MICU2: variants seen among roughly 807,000 people sequenced by gnomAD.
The protein encoded by MICU2 is mitochondrial calcium uptake 2.
Under a neutral mutation model 60.4 loss-of-function variants are expected in MICU2, and 64 were observed. That is an observed-to-expected ratio of 1.06 (90% CI 0.87 to 1.31). The LOEUF (loss-of-function observed/expected upper bound fraction) is 1.31. Ranked by LOEUF, MICU2 falls within the 50% of genes most tolerant of loss-of-function variation. The pLI is 0.00. For synonymous variants in MICU2, 201 were observed against 175.0 expected (o/e 1.15, Z -1.17); for missense variants, 569 against 531.0 (o/e 1.07, Z -0.70).
In MICU2 at chr13:21,493,152, T is replaced by C; in HGVS notation, c.*97A>G. ...AGACATGCTTATTTCACACAGAATA[T>C]CAATGAAGACTTAAGAAGATAAATA... is the stretch of plus-strand genomic sequence containing the variant. On this transcript the variant is annotated 3_prime_UTR_variant, in exon 12 of 12. Transcript: ENST00000382374. The C allele has an allele frequency of 1.5e-6, 1 of 662,576 alleles. No individual in the cohort carries two copies. The highest frequency in any genetic ancestry group is 4.3e-4 in the Middle Eastern group (1 of 2,314). 41.0% of individuals were successfully genotyped at this position (662,576 alleles called of 1,614,324 possible). A position where few individuals can be genotyped will look rare whatever the true frequency, so the allele number is the denominator to read the frequency against.
intron 1 of MICU2, among the ~76,000 whole-genome samples, chr13:21,590,606 G>T (rs1051608427): frequency 6.6e-6 from 1 of 152,240 alleles, no homozygotes; most frequent in East Asian, 1.9e-4. Context: ...GTCGGGCGTG[G>T]TGGCTCACGC....
intron 2 of MICU2, among the ~76,000 whole-genome samples, chr13:21,565,660 A>C (rs1228419428): frequency 2.0e-5 from 3 of 151,364 alleles, no homozygotes; most frequent in Non-Finnish European, 4.4e-5. Context: ...TCCGTCTCAA[A>C]AAACAAACAA....
intron 2 of MICU2, among the ~76,000 whole-genome samples, chr13:21,564,367 G>A (rs1286133802): frequency 6.6e-6 from 1 of 152,092 alleles, no homozygotes; most frequent in Admixed American, 6.6e-5. Context: ...TTCCTCTGGT[G>A]CCTTTTTTTC....
intron 4 of MICU2, among the ~76,000 whole-genome samples, chr13:21,533,924 AAG>A (rs1046712539): frequency 3.3e-5 from 5 of 152,162 alleles, no homozygotes; most frequent in Admixed American, 3.3e-4. Flanking sequence ...TATTTTGATA[AAG>A]AGGAGATAAA....
At chr13:21,589,894 A>C (rs567314143) in intron 1 of MICU2, among the ~76,000 whole-genome samples, 1 of 151,632 alleles carries the variant, frequency 6.6e-6, no homozygotes, top group Admixed American at 6.6e-5. Flanking sequence ...AGGGATAAGA[A>C]CCTCTTTCCC....
chr13:21,552,332 C>T (rs1259286115), intron 2 of MICU2, among the ~76,000 whole-genome samples: 1 of 151,834 alleles, frequency 6.6e-6, no homozygotes, highest in Admixed American at 6.6e-5. Context: ...GGATATTAGC[C>T]CTTTGTCAGA....
At chr13:21,565,701 T>C (rs930567908) in intron 2 of MICU2, among the ~76,000 whole-genome samples, 1 of 151,396 alleles carries the variant, frequency 6.6e-6, no homozygotes, top group African/African-American at 2.4e-5. Flanking sequence ...GGCATGGTGG[T>C]GGGCACCTGT....
intron 2 of MICU2, among the ~76,000 whole-genome samples, chr13:21,548,890 G>A (rs1333236223): frequency 6.6e-6 from 1 of 151,838 alleles, no homozygotes; most frequent in Admixed American, 6.6e-5. Flanking sequence ...AAACTTCCCA[G>A]GGTGGGGGAG....
intron 9 of MICU2, among the ~76,000 whole-genome samples, chr13:21,497,815 C>A (rs1886039192): frequency 6.6e-6 from 1 of 152,182 alleles, no homozygotes; most frequent in Admixed American, 6.5e-5. Flanking sequence ...GAGTCCAGAT[C>A]ACAGCTCACT....
intron 2 of MICU2, among the ~76,000 whole-genome samples, chr13:21,552,962 T>C (rs983391042): frequency 6.6e-6 from 1 of 152,220 alleles, no homozygotes; most frequent in Non-Finnish European, 1.5e-5. Context: ...TCCAATTCTG[T>C]GAAGAAAGTC....
At chr13:21,525,278 C>T (rs926682571) in intron 4 of MICU2, among the ~76,000 whole-genome samples, 2 of 147,342 alleles carry the variant, frequency 1.4e-5, no homozygotes, top group Admixed American at 6.9e-5. Context: ...CTGCAAGCTC[C>T]GCCTCCCAGG....
At chr13:21,557,827 T>A (rs530526946) in intron 2 of MICU2, among the ~76,000 whole-genome samples, 2 of 152,344 alleles carry the variant, frequency 1.3e-5, no homozygotes, top group South Asian at 4.1e-4. Flanking sequence ...TGCCTTCTGA[T>A]AGTTTAATTG....
chr13:21,600,442 C>A (rs954324685), intron 1 of MICU2, among the ~76,000 whole-genome samples: 13 of 152,214 alleles, frequency 8.5e-5, no homozygotes, highest in African/African-American at 2.7e-4. Flanking sequence ...TTCCACAGCA[C>A]CCAGTATTTA....
intron 1 of MICU2, among the ~76,000 whole-genome samples, chr13:21,571,819 CT>C (rs1888118480): frequency 6.6e-6 from 1 of 152,228 alleles, no homozygotes; most frequent in Non-Finnish European, 1.5e-5. Flanking sequence ...AAAGGTGGCT[CT>C]GACAGCTGGG....
intron 1 of MICU2, among the ~76,000 whole-genome samples, chr13:21,580,876 AACAG>A (rs1213545091): frequency 2.0e-5 from 3 of 152,174 alleles, no homozygotes; most frequent in Admixed American, 6.5e-5. Flanking sequence ...GGTTAGTGGC[AACAG>A]ACAAAGGTGT....
At chr13:21,510,718 C>T (rs1352434811) in intron 7 of MICU2, among the ~76,000 whole-genome samples, 3 of 152,168 alleles carry the variant, frequency 2.0e-5, no homozygotes, top group Admixed American at 6.5e-5. Context: ...ACAGTAGACT[C>T]AGGTGTGGGA....
chr13:21,572,577 T>C (rs933974231), intron 1 of MICU2, among the ~76,000 whole-genome samples: 2 of 152,220 alleles, frequency 1.3e-5, no homozygotes, highest in African/African-American at 2.4e-5. Context: ...TTAGACTGTA[T>C]ACCTAAAGTT....
chr13:21,566,279 C>A (rs1388724187), intron 2 of MICU2, among the ~76,000 whole-genome samples: 3 of 152,178 alleles, frequency 2.0e-5, no homozygotes, highest in South Asian at 2.1e-4. Flanking sequence ...AATATGGGCA[C>A]AGAGGATGGG....
At chr13:21,540,852 G>A (rs1037601552) in intron 2 of MICU2, among the ~76,000 whole-genome samples, 17 of 152,046 alleles carry the variant, frequency 1.1e-4, no homozygotes, top group African/African-American at 3.9e-4. Context: ...GTGAGTGAAT[G>A]TGTATATAAT....
Sources: allele counts gnomAD v4.1 joint callset (sites outside exome capture counted in the v4.1 genomes callset), GRCh38; gene constraint gnomAD v4.1.1; transcripts MANE v1.5; gene names NCBI Gene and HGNC (gene_info 2026-07-23, HGNC 2026-07-21).